Variants in USH2A observed in about 807,000 individuals in gnomAD.
USH2A encodes the protein usherin.
In USH2A, 443 loss-of-function variants were observed where a neutral mutation model predicts 538.9. The observed-to-expected ratio is 0.82, with a 90% CI of 0.76 to 0.89. The LOEUF is 0.89. Among genes scored for constraint, USH2A ranks in the 40% least tolerant of loss-of-function variants. USH2A has a pLI of 0.00. For synonymous variants in USH2A, 2,413 were observed against 2,273.5 expected (o/e 1.06, Z -1.75); for missense variants, 6,633 against 6,324.8 (o/e 1.05, Z -1.65).
At chr1:216,411,278 T>C (rs1025951369) in intron 3 of USH2A, among the ~76,000 whole-genome samples, 1 of 152,140 alleles carries the variant, frequency 6.6e-6, no homozygotes, top group African/African-American at 2.4e-5. Context: ...AATGTTCTTA[T>C]CAATTCTCTT....
At chr1:215,785,048 C>T (rs1661758620) in intron 52 of USH2A, among the ~76,000 whole-genome samples, 1 of 152,148 alleles carries the variant, frequency 6.6e-6, no homozygotes, top group Non-Finnish European at 1.5e-5. Context: ...CTATCTGAGG[C>T]CTTTCCTAAT....
chr1:216,226,627 C>T (rs1307557870), intron 14 of USH2A, among the ~76,000 whole-genome samples: 1 of 152,220 alleles, frequency 6.6e-6, no homozygotes, highest in Non-Finnish European at 1.5e-5. Flanking sequence ...ATCTTTCTCA[C>T]CATTAGGTAT....
intron 9 of USH2A, among the ~76,000 whole-genome samples, chr1:216,297,713 T>C (rs2037134386): frequency 6.6e-6 from 1 of 152,080 alleles, no homozygotes; most frequent in South Asian, 2.1e-4. Context: ...TTGGAGGAGG[T>C]AGCCTACAGA....
intron 50 of USH2A, among the ~76,000 whole-genome samples, chr1:215,795,775 T>C (rs866703039): frequency 1.3e-5 from 2 of 152,146 alleles, no homozygotes; most frequent in African/African-American, 4.8e-5. Flanking sequence ...GTTGCCATAA[T>C]TTTCTAGTAG....
At chr1:215,972,429 G>C (rs1431748812) in intron 35 of USH2A, among the ~76,000 whole-genome samples, 1 of 152,166 alleles carries the variant, frequency 6.6e-6, no homozygotes, top group African/African-American at 2.4e-5. Context: ...GTAGCAGTAA[G>C]CACCAGCTCC....
intron 30 of USH2A, among the ~76,000 whole-genome samples, chr1:216,050,598 TTCTTTC>T (rs1335467199): frequency 1.2e-4 from 6 of 50,904 alleles, no homozygotes; most frequent in African/African-American, 3.1e-4. Flanking sequence ...CTTTCTTTCT[TTCTTTC>T]TTTTTTTTTT....
intron 11 of USH2A, among the ~76,000 whole-genome samples, chr1:216,252,010 G>A (rs1397722296): frequency 6.6e-6 from 1 of 152,076 alleles, no homozygotes; most frequent in Non-Finnish European, 1.5e-5. Flanking sequence ...ATACTTAGCT[G>A]ATTTATATTG....
intron 33 of USH2A, among the ~76,000 whole-genome samples, chr1:215,999,640 G>A (rs1271304229): frequency 6.6e-6 from 1 of 152,126 alleles, no homozygotes; most frequent in African/African-American, 2.4e-5. Flanking sequence ...AATGAGAAGG[G>A]CAAGTCATAG....
In USH2A at chr1:216,000,405, T is replaced by C. The variant is rs770429820; in HGVS notation, c.6483A>G (p.Ile2161Met). 6.2e-7 allele frequency: 1 copy of C among 1,613,488 alleles called. No homozygotes were observed. The highest frequency in any genetic ancestry group is 8.5e-7 in the Non-Finnish European group (1 of 1,179,600). Residue 2161 changes from isoleucine (I) to methionine (M), a missense_variant and splice_region_variant, in exon 33 of 72, where the codon ATA (isoleucine) becomes ATG (methionine). Ile to Met is a conservative substitution (Grantham distance 10). Coordinates refer to ENST00000307340, the MANE Select transcript of USH2A (RefSeq NM_206933.4). Reference protein sequence around the residue: ...LTVLDSRTIHIQWKQPRKISG... With the variant: ...LTVLDSRTIHMQWKQPRKISG... ...AGAGAGACAACATTTCTACTTACTG[T>C]ATGTGTATAGTTCTAGAATCCAGGA...
At chr1:216,093,891 GCTAGTT>G (rs1165493911) in intron 22 of USH2A, among the ~76,000 whole-genome samples, 1 of 152,160 alleles carries the variant, frequency 6.6e-6, no homozygotes. Context: ...TGAATTCAGT[GCTAGTT>G]CTATCCCTAA....
chr1:216,237,508 AAAAAAAG>A (rs1475788629), intron 13 of USH2A, among the ~76,000 whole-genome samples: 5 of 151,528 alleles, frequency 3.3e-5, no homozygotes, highest in African/African-American at 1.2e-4. Flanking sequence ...AAAAAAAAAA[AAAAAAAG>A]AAAGAAAAAG....
At chr1:216,370,318 G>A (rs1362358867) in intron 3 of USH2A, among the ~76,000 whole-genome samples, 1 of 150,700 alleles carries the variant, frequency 6.6e-6, no homozygotes, top group East Asian at 2.0e-4. Context: ...CCGACATCAC[G>A]CCACTGCACT....
At chr1:216,416,227 T>C (rs1341494260) in intron 3 of USH2A, among the ~76,000 whole-genome samples, 1 of 152,142 alleles carries the variant, frequency 6.6e-6, no homozygotes, top group African/African-American at 2.4e-5. Flanking sequence ...ATATTCAGAC[T>C]GTTGTCCAAT....
chr1:215,677,661 C>T (rs1056872918), intron 62 of USH2A, among the ~76,000 whole-genome samples: 9 of 152,110 alleles, frequency 5.9e-5, no homozygotes, highest in Non-Finnish European at 1.2e-4. Context: ...TTGGACACTC[C>T]ACTCATGCAC....
At chr1:216,055,627 A>G (rs917456703) in intron 30 of USH2A, among the ~76,000 whole-genome samples, 2 of 152,232 alleles carry the variant, frequency 1.3e-5, no homozygotes, top group African/African-American at 4.8e-5. Context: ...TTTGTTAAAT[A>G]TGGATGAAAA....
chr1:215,808,941 G>A (rs1301094666), intron 49 of USH2A, among the ~76,000 whole-genome samples: 1 of 151,970 alleles, frequency 6.6e-6, no homozygotes, highest in African/African-American at 2.4e-5. Context: ...GACATACTCA[G>A]GATTTTCTCA....
Position 215,802,199 on chromosome 1 carries a change from T to C in USH2A, c.9740-3074A>G, listed in dbSNP as rs978541794. Among the ~76,000 whole-genome samples, 16 of 152,098 alleles carry C rather than the reference T, an allele frequency of 1.1e-4. No individual in the cohort carries two copies. The East Asian group carries it at 3.1e-3, about 30-fold the overall frequency. Reference sequence around the variant, plus strand: ...AAAGCAAAGGGGAAATTTCATGACATTGGGTCTGCCAATGATTTCTTGGCT... The same window carrying C: ...AAAGCAAAGGGGAAATTTCATGACACTGGGTCTGCCAATGATTTCTTGGCT... On this transcript the variant is annotated intron_variant, in intron 49 of 71. Transcript: ENST00000307340.
chr1:216,007,138 C>A (rs773448470), intron 32 of USH2A, among the ~76,000 whole-genome samples: 9 of 152,202 alleles, frequency 5.9e-5, no homozygotes, highest in South Asian at 2.1e-4. Context: ...GTAAGATGTG[C>A]CTTTTGCCTT....
intron 69 of USH2A, among the ~76,000 whole-genome samples, chr1:215,638,489 A>G (rs1413102369): frequency 1.3e-5 from 2 of 151,578 alleles, no homozygotes; most frequent in Admixed American, 6.6e-5. Context: ...GCGTGGTGAC[A>G]TACACTTGTA....
Sources: gnomAD v4.1 joint callset for allele counts (sites outside exome capture counted in the v4.1 genomes callset) on GRCh38, gnomAD v4.1.1 for gene constraint, MANE v1.5 for transcripts, NCBI Gene and HGNC (gene_info 2026-07-23, HGNC 2026-07-21) for gene names.